PLAT: variants seen among roughly 807,000 people sequenced by gnomAD.
The protein encoded by PLAT is plasminogen activator, tissue type, also known as tissue-type plasminogen activator.
In PLAT, 48 loss-of-function variants were observed where a neutral mutation model predicts 74.9. That is an observed-to-expected ratio of 0.64 (90% confidence interval 0.51 to 0.82). The LOEUF (loss-of-function observed/expected upper bound fraction) is 0.82, where lower values mean the gene tolerates loss of function less well. Among genes scored for constraint, PLAT ranks in the 40% least tolerant of loss-of-function variants. PLAT has a pLI of 0.00. For synonymous variants in PLAT, 307 were observed against 294.4 expected, an observed-to-expected ratio of 1.04 and a Z score of -0.44; for missense variants, 673 against 736.2, an observed-to-expected ratio of 0.91 and a Z score of 0.99.
chr8:42,182,804 T>C lies in PLAT; in HGVS notation c.718A>G (p.Asn240Asp). The C allele has an allele frequency of 6.2e-7, 1 of 1,613,796 alleles. No homozygotes were observed. The highest frequency in any genetic ancestry group is 8.5e-7 in the Non-Finnish European group (1 of 1,179,738). The change falls in exon 8 of 14, where the codon AAT becomes GAT. Residue 240 changes from asparagine (N) to aspartate (D), a missense_variant. By Grantham distance (23) the Asn-to-Asp change is conservative. Transcript: ENST00000220809. ...ACCTTGCCTATCAGGATCATGGAAT[T>C]CCACGGGAGGCAGGAGGCACCCGAC... ...TESGASCLPW[N>D]SMILIGKVYT...
intron 1 of PLAT, among the ~76,000 whole-genome samples, chr8:42,206,471 C>T (rs1340617883): frequency 6.6e-6 from 1 of 152,166 alleles, no homozygotes; most frequent in Non-Finnish European, 1.5e-5. Context: ...GGGGACTCCA[C>T]CTGACAATGG....
Position 42,185,150 on chromosome 8 carries a change from G to A in PLAT, c.562C>T (p.Pro188Ser), listed in dbSNP as rs368082119. 1.9e-6 allele frequency: 3 copies of A among 1,611,978 alleles called. No individual in the cohort carries two copies. The African/African-American group carries it at 4.0e-5, about 22-fold the overall frequency. Residue 188 changes from proline to serine, a missense_variant, in exon 7 of 14, where the codon CCC becomes TCC. By Grantham distance (74) the Pro-to-Ser change is moderately conservative (BLOSUM62 -1). Coordinates refer to ENST00000220809, the MANE Select transcript of PLAT (RefSeq NM_000930.5). ...CCCGCCTTAAAGACGTAGCACCAGG[G>A]CTTTGAGTCTCGATCTGGGTTTCTG... Reference protein sequence around the residue: ...YCRNPDRDSKPWCYVFKAGKY... With the variant: ...YCRNPDRDSKSWCYVFKAGKY...
intron 1 of PLAT, 62 bp from the exon 2 acceptor site, chr8:42,193,273 G>A (rs936031335): frequency 9.2e-7 from 1 of 1,082,844 alleles, no homozygotes; most frequent in Non-Finnish European, 1.4e-6. Context: ...GGCAACAGAG[G>A]AGGATAAGCC....
intron 6 of PLAT, chr8:42,185,992 C>G (rs8178756): frequency 6.6e-6 from 1 of 151,708 alleles, no homozygotes; most frequent in African/African-American, 2.4e-5. Flanking sequence ...CCAGCCCCCA[C>G]GATCCTGTCA....
intron 7 of PLAT, among the ~76,000 whole-genome samples, chr8:42,183,150 T>C (rs1455852178): frequency 6.6e-6 from 1 of 152,156 alleles, no homozygotes; most frequent in East Asian, 1.9e-4. Context: ...GTTACAGGCA[T>C]GCGCCACCAT....
chr8:42,197,451 C>G (rs779247079), intron 1 of PLAT, among the ~76,000 whole-genome samples: 5 of 152,150 alleles, frequency 3.3e-5, no homozygotes, highest in Non-Finnish European at 5.9e-5. Context: ...AGTGGGGTAC[C>G]GTGCTGTAAG....
chr8:42,174,909 G>A lies in PLAT; in HGVS notation c.*1084C>T, dbSNP rs578117280. On this transcript the variant is annotated 3_prime_UTR_variant, in exon 14 of 14. Transcript: ENST00000220809. ...TTTTCCACACCTGTCCACAGTCCACGTCTCACCCAGTTATTTTTTCCTTAA... is the reference window on the plus strand; with the variant it reads ...TTTTCCACACCTGTCCACAGTCCACATCTCACCCAGTTATTTTTTCCTTAA... 2.5e-3 allele frequency among the ~76,000 whole-genome samples: 379 copies of A among 152,010 alleles called. 1 individual carries two copies. The highest frequency in any genetic ancestry group is 4.1e-3 in the Non-Finnish European group (276 of 67,982).
At chr8:42,194,245 T>A (rs56779143) in intron 1 of PLAT, among the ~76,000 whole-genome samples, 4,867 of 30,424 alleles carry the variant, frequency 0.16, 82 homozygotes, top group Non-Finnish European at 0.18. Context: ...AGAGAGAGTG[T>A]GTGTGTGTGT....
At position 42,200,088 on chromosome 8, in the gene PLAT, G is replaced by A. The variant is rs150871554; in HGVS notation, c.-26-6877C>T. Among the ~76,000 whole-genome samples the A allele has an allele frequency of 3.1e-3, 465 of 152,292 alleles. 3 individuals carry two copies. The highest frequency in any genetic ancestry group is 4.7e-3 in the Non-Finnish European group (317 of 68,030). On this transcript the variant is annotated intron_variant, in intron 1 of 13. Coordinates refer to ENST00000220809, the MANE Select transcript of PLAT (RefSeq NM_000930.5). Reference sequence around the variant, plus strand: ...GGTGAAAGTGACATTATTGTTGCCTGAGAAATGTACACATGGATGAATGCC... The same window carrying A: ...GGTGAAAGTGACATTATTGTTGCCTAAGAAATGTACACATGGATGAATGCC...
At position 42,182,744 on chromosome 8, in the gene PLAT, C is replaced by G; in HGVS notation, c.778G>C (p.Gly260Arg). 1 of 1,610,434 alleles carries G rather than the reference C, an allele frequency of 6.2e-7. No homozygotes were observed. Among genetic ancestry groups the G allele is most frequent in the Non-Finnish European group, 8.5e-7 (1 of 1,178,534 alleles). Residue 260 changes from glycine to arginine, a missense_variant, in exon 8 of 14, where the codon GGC becomes CGC. Gly to Arg is a moderately radical substitution (Grantham distance 125). Coordinates refer to ENST00000220809, the MANE Select transcript of PLAT (RefSeq NM_000930.5). ...CGGCAGTAATTATGTTTGCCCAGGC[C>G]CAGTGCCTGGGCACTGGGGTTCTGT... ...TAQNPSAQAL[G>R]LGKHNYCRNP... is the part of the protein sequence containing the mutation.
chr8:42,206,572 C>T (rs952434568), intron 1 of PLAT: 4 of 152,224 alleles, frequency 2.6e-5, no homozygotes, highest in Non-Finnish European at 4.4e-5. Context: ...CAGGAGACCA[C>T]CATATTATTC....
rs1417625656 is a variant in PLAT at position 42,180,702 on chromosome 8, G to A, written c.890-17C>T. The A allele has an allele frequency of 3.2e-6, 5 of 1,546,510 alleles. No individual in the cohort carries two copies. Among genetic ancestry groups the A allele is most frequent in the Admixed American group, 1.9e-5 (1 of 52,038 alleles). On this transcript the variant is annotated splice_polypyrimidine_tract_variant and intron_variant, in intron 9 of 13. Transcript: ENST00000220809. ...CGCAGGTGGCTGGGGAGGAAAGGAC[G>A]AGGAGGCAGTCAGTCCCACAGGCCT...
chr8:42,191,381 A>T lies in PLAT; in HGVS notation c.106T>A (p.Ser36Thr), dbSNP rs1396290576. ...CTCAGCTTCACCCGACCTTGGTAAG[A>T]TCTGGCTCCTCTTCTGAATCGGGCA... ...IHARFRRGAR[S>T]YQVICRDEKT... Residue 36 changes from serine (S) to threonine (T), a missense_variant, in exon 3 of 14, where the codon TCT becomes ACT. Coordinates refer to ENST00000220809, the MANE Select transcript of PLAT (RefSeq NM_000930.5). The T allele has an allele frequency of 2.5e-6, 4 of 1,613,968 alleles. No individual in the cohort carries two copies. The highest frequency in any genetic ancestry group is 2.2e-5 in the East Asian group (1 of 44,890).
At chr8:42,176,260 A>C in intron 13 of PLAT, 109 bp from the exon 14 acceptor site, 1 of 734,878 alleles carries the variant, frequency 1.4e-6, no homozygotes, top group Non-Finnish European at 2.2e-6. Context: ...CAGGCCCTTC[A>C]ATAATATTCC....
chr8:42,176,695 C>T (rs1457588682), intron 13 of PLAT, among the ~76,000 whole-genome samples: 2 of 152,238 alleles, frequency 1.3e-5, no homozygotes, highest in Non-Finnish European at 2.9e-5. Flanking sequence ...TGTTTTTGAA[C>T]TTCATGGTAG....
At chr8:42,196,939 C>A (rs1379527506) in intron 1 of PLAT, among the ~76,000 whole-genome samples, 1 of 152,050 alleles carries the variant, frequency 6.6e-6, no homozygotes, top group East Asian at 1.9e-4. Context: ...AGGAAGGCCC[C>A]AAGGTTGGCT....
rs552798520 is a variant in PLAT at position 42,179,787 on chromosome 8, GAC to G, written c.1363+137_1363+138del. 123 of 846,042 alleles carry G rather than the reference GAC, an allele frequency of 1.5e-4. No homozygotes were observed. The African/African-American group carries it at 2.0e-3, about 14-fold the overall frequency. 52.4% of individuals were successfully genotyped at this position (846,042 alleles called of 1,614,324 possible). ...AGAGACAGCAGAGACGGGCCCCCAC[GAC>G]ACAGGGAGACGGGACTGGCGTCAGT... On this transcript the variant is annotated intron_variant, in intron 12 of 13. Transcript: ENST00000220809.
intron 5 of PLAT, 83 bp from the exon 6 acceptor site, chr8:42,187,655 C>A: frequency 7.5e-7 from 1 of 1,331,570 alleles, no homozygotes. Context: ...CTGCCCCGTC[C>A]TCCCCCAGGC....
intron 9 of PLAT, among the ~76,000 whole-genome samples, chr8:42,181,514 G>A (rs1430068904): frequency 6.6e-6 from 1 of 152,142 alleles, no homozygotes; most frequent in Non-Finnish European, 1.5e-5. Flanking sequence ...GCGTCTGGGA[G>A]ACTGCTTCCT....
Sources: gnomAD v4.1 joint callset for allele counts (sites outside exome capture counted in the v4.1 genomes callset) on GRCh38, gnomAD v4.1.1 for gene constraint, MANE v1.5 for transcripts, NCBI Gene and HGNC (gene_info 2026-07-23, HGNC 2026-07-21) for gene names.